BBX: variants seen among roughly 807,000 people sequenced by gnomAD.
BBX encodes the protein BBX high mobility group box domain containing, also known as HMG box transcription factor BBX.
A neutral mutation model predicts 100.2 loss-of-function variants in BBX; 30 were observed. The ratio of observed to expected loss-of-function variants is 0.30; its 90% CI spans 0.22 to 0.41. BBX has a LOEUF of 0.41. Among genes scored for constraint, BBX ranks in the 10% least tolerant of loss-of-function variants. The probability of loss-of-function intolerance (pLI) is 1.00; values close to 1 mark genes in which losing one functional copy is unlikely to be tolerated. For synonymous variants in BBX, 376 were observed against 388.1 expected, an observed-to-expected ratio of 0.97 and a Z score of 0.37; for missense variants, 1,023 against 1,129.8, an observed-to-expected ratio of 0.91 and a Z score of 1.35.
At chr3:107,699,817 A>G (rs1291453426) in intron 3 of BBX, among the ~76,000 whole-genome samples, 5 of 151,968 alleles carry the variant, frequency 3.3e-5, no homozygotes, top group Non-Finnish European at 7.3e-5. Context: ...CCCAGACAAG[A>G]TATTTTCTCG....
At chr3:107,545,072 C>T (rs1031249143) in intron 2 of BBX, among the ~76,000 whole-genome samples, 8 of 151,878 alleles carry the variant, frequency 5.3e-5, no homozygotes, top group Admixed American at 1.3e-4. Flanking sequence ...ATTATAGAGA[C>T]GTTTCTTTAC....
chr3:107,699,658 A>C (rs2060901683), intron 3 of BBX, among the ~76,000 whole-genome samples: 1 of 151,916 alleles, frequency 6.6e-6, no homozygotes, highest in Non-Finnish European at 1.5e-5. Context: ...CAGGGTGAAC[A>C]GCTGATTGCA....
At chr3:107,761,300 T>C (rs2065883014) in intron 10 of BBX, among the ~76,000 whole-genome samples, 1 of 152,144 alleles carries the variant, frequency 6.6e-6, no homozygotes, top group South Asian at 2.1e-4. Context: ...TGGGAGAATG[T>C]TTAGTGCAGA....
intron 2 of BBX, among the ~76,000 whole-genome samples, chr3:107,610,687 A>G (rs184711371): frequency 1.3e-5 from 2 of 151,328 alleles, no homozygotes; most frequent in East Asian, 1.9e-4. Context: ...TTTGGTTTCT[A>G]CTTGCATGGA....
At position 107,773,555 on chromosome 3, in the gene BBX, G is replaced by A. The variant is rs1168225341; in HGVS notation, c.1834G>A (p.Glu612Lys). The A allele has an allele frequency of 1.2e-6, 2 of 1,614,012 alleles. No individual in the cohort carries two copies. Among genetic ancestry groups the A allele is most frequent in the East Asian group, 2.2e-5 (1 of 44,876 alleles). The part of the protein sequence containing the change: ...KIETCGSRKS[E>K]RSCKGALYKT... The stretch of plus-strand genomic sequence containing the variant: ...AGAAACTTGTGGTTCCAGGAAATCC[G>A]AGAGGTCTTGCAAAGGTGCTCTTTA... Residue 612 changes from glutamate to lysine, a missense_variant, in exon 11 of 18, where the codon GAG (glutamate) becomes AAG (lysine). Glu to Lys is a moderately conservative substitution (Grantham distance 56). This residue lies in a region of BBX where 5 missense variants were observed against 28.2 expected (regional missense o/e 0.18). Coordinates refer to ENST00000325805, the MANE Select transcript of BBX (RefSeq NM_001142568.3). This position sits in a 1 kb window ranked among gnomAD's most constrained non-coding sequence, Gnocchi z 4.1.
chr3:107,780,011 G>A (rs754704475), intron 13 of BBX, among the ~76,000 whole-genome samples: 39 of 152,180 alleles, frequency 2.6e-4, no homozygotes, highest in Non-Finnish European at 4.4e-4. Flanking sequence ...AAGTTTGCTC[G>A]TCTGAGAAAA....
At chr3:107,693,408 T>C (rs912503071) in intron 3 of BBX, among the ~76,000 whole-genome samples, 1 of 151,688 alleles carries the variant, frequency 6.6e-6, no homozygotes, top group East Asian at 1.9e-4. Context: ...GTTTCAGCTT[T>C]CTACATATGG....
At chr3:107,592,775 G>C (rs2053421631) in intron 2 of BBX, among the ~76,000 whole-genome samples, 1 of 152,170 alleles carries the variant, frequency 6.6e-6, no homozygotes, top group Admixed American at 6.5e-5. Context: ...ATTATAATAG[G>C]TGATCCTTGA....
chr3:107,564,712 A>G lies in BBX; in HGVS notation c.-84+38314A>G, dbSNP rs1051496186. Among the ~76,000 whole-genome samples, 6 of 152,338 alleles carry G rather than the reference A, an allele frequency of 3.9e-5. 1 individual carries two copies. The highest frequency in any genetic ancestry group is 3.9e-4 in the Admixed American group (6 of 15,306). On this transcript the variant is annotated intron_variant, in intron 2 of 17. Coordinates refer to ENST00000325805, the MANE Select transcript of BBX (RefSeq NM_001142568.3). Reference sequence around the variant, plus strand: ...TTTTTGAATTTACATGTTATATTCTATCAATTTATTATTGTATTTCTTTGG... The same window carrying G: ...TTTTTGAATTTACATGTTATATTCTGTCAATTTATTATTGTATTTCTTTGG...
chr3:107,737,132 A>G (rs940862754), intron 7 of BBX, among the ~76,000 whole-genome samples: 10 of 152,138 alleles, frequency 6.6e-5, no homozygotes, highest in Admixed American at 4.6e-4. Context: ...GTGAAGATTA[A>G]TTAAATAAAA....
chr3:107,545,466 A>AT (rs1431024683), intron 2 of BBX, among the ~76,000 whole-genome samples: 1 of 152,162 alleles, frequency 6.6e-6, no homozygotes, highest in Non-Finnish European at 1.5e-5. Context: ...AAAGCTTTTA[A>AT]TTTTTGTAGG....
At chr3:107,623,016 G>A (rs2107696515) in intron 2 of BBX, among the ~76,000 whole-genome samples, 1 of 152,312 alleles carries the variant, frequency 6.6e-6, no homozygotes, top group East Asian at 1.9e-4. Context: ...TGCCTATGCT[G>A]TTTAGGATCA....
At chr3:107,568,400 G>A (rs1214379429) in intron 2 of BBX, among the ~76,000 whole-genome samples, 1 of 151,946 alleles carries the variant, frequency 6.6e-6, no homozygotes, top group Non-Finnish European at 1.5e-5. Context: ...GAGTAGCTGG[G>A]ACTACAGGTG....
At chr3:107,602,205 A>G (rs1441064186) in intron 2 of BBX, among the ~76,000 whole-genome samples, 3 of 152,222 alleles carry the variant, frequency 2.0e-5, no homozygotes, top group Non-Finnish European at 2.9e-5. Flanking sequence ...GAGGTGTACA[A>G]GGAGATTAAT....
chr3:107,728,171 A>G (rs767649908), intron 5 of BBX, among the ~76,000 whole-genome samples: 1 of 152,192 alleles, frequency 6.6e-6, no homozygotes, highest in South Asian at 2.1e-4. Flanking sequence ...ATGTATGCTC[A>G]TTACAGACCC....
chr3:107,802,751 C>A (rs955141741), intron 17 of BBX, among the ~76,000 whole-genome samples: 2 of 152,222 alleles, frequency 1.3e-5, no homozygotes, highest in Admixed American at 1.3e-4. Flanking sequence ...CACAGCAAAC[C>A]TTTCCAATCT....
At chr3:107,791,718 C>T (rs2069062963) in intron 15 of BBX, among the ~76,000 whole-genome samples, 1 of 152,110 alleles carries the variant, frequency 6.6e-6, no homozygotes, top group African/African-American at 2.4e-5. Context: ...AAATAAACAC[C>T]CCAGCAAGGC....
intron 2 of BBX, among the ~76,000 whole-genome samples, chr3:107,541,860 C>G (rs545043682): frequency 2.2e-4 from 33 of 151,396 alleles, no homozygotes; most frequent in African/African-American, 7.8e-4. Flanking sequence ...GCTCTGTTAC[C>G]CAGGCTAGAG....
intron 2 of BBX, among the ~76,000 whole-genome samples, chr3:107,622,075 TG>T (rs763832464): frequency 3.3e-5 from 5 of 152,246 alleles, no homozygotes; most frequent in Non-Finnish European, 7.3e-5. Context: ...AATTCTCTTA[TG>T]TTTTTCATTT....
Sources: gnomAD v4.1 joint callset for allele counts (sites outside exome capture counted in the v4.1 genomes callset) on GRCh38, gnomAD v4.1.1 for gene constraint, gnomAD v4.1.1 regional missense constraint, Gnocchi (gnomAD v3.1) non-coding constraint, MANE v1.5 for transcripts, NCBI Gene and HGNC (gene_info 2026-07-23, HGNC 2026-07-21) for gene names.